The following PRADC1 variants were observed in gnomAD, a reference collection of about 807,000 sequenced individuals.
PRADC1 encodes protease associated domain containing 1, also known as protease-associated domain-containing protein 1.
A neutral mutation model predicts 22.9 loss-of-function variants in PRADC1; 23 were observed. That is an observed-to-expected ratio of 1.00 (90% CI 0.72 to 1.42). The LOEUF (loss-of-function observed/expected upper bound fraction) is 1.42, where lower values mean the gene tolerates loss of function less well. Ranked by LOEUF, PRADC1 falls within the 40% of genes most tolerant of loss-of-function variation. The pLI is 0.00. For synonymous variants in PRADC1, 71 were observed against 100.3 expected, an observed-to-expected ratio of 0.71 and a Z score of 1.75; for missense variants, 207 against 258.3, an observed-to-expected ratio of 0.80 and a Z score of 1.36.
chr2:73,228,469 G>A lies in PRADC1; in HGVS notation c.552C>T (p.Pro184=), dbSNP rs757358483. 6.2e-7 allele frequency: 1 copy of A among 1,614,172 alleles called. No individual in the cohort carries two copies. Residue 184 remains proline, a synonymous_variant, in exon 5 of 5, where the codon CCC becomes CCT. Coordinates refer to ENST00000258083, the MANE Select transcript of PRADC1 (RefSeq NM_032319.3). This position sits in a 1 kb window ranked among gnomAD's most constrained non-coding sequence, Gnocchi z 4.0. ...SIPTFELLQP[P]WTFW ...ACAAACTCTTCTACCAGAAGGTCCAGGGCGGTTGCAGCAGCTCAAAGGTGG... is the reference window on the plus strand; with the variant it reads ...ACAAACTCTTCTACCAGAAGGTCCAAGGCGGTTGCAGCAGCTCAAAGGTGG...
Position 73,230,742 on chromosome 2 carries a change from T to A in PRADC1, c.68-529A>T, listed in dbSNP as rs552709481. On this transcript the variant is annotated intron_variant, in intron 1 of 4. Transcript: ENST00000258083. ...CACATCACCATACCTAGGGTTTCAA[T>A]AACTGCCCTTTGCATTTAAAATTTA... Among the ~76,000 whole-genome samples, 5 of 152,380 alleles carry A rather than the reference T, an allele frequency of 3.3e-5. No homozygotes were observed. In the East Asian group the frequency reaches 9.6e-4, roughly 29 times the overall value.
chr2:73,233,112 CG>C lies in PRADC1; in HGVS notation c.48del (p.Ala17ArgfsTer19). ...AGWCCLVLWL[P>X]ACVAAHGFRI... ...CGCTCACCGTGGGCCGCGACGCACG[CG>C]GGGAGCCAGAGCACGAGACAACACC... On this transcript the variant is annotated frameshift_variant, in exon 1 of 5. Coordinates refer to ENST00000258083, the MANE Select transcript of PRADC1 (RefSeq NM_032319.3). LOFTEE classifies it high-confidence loss of function. The C allele has an allele frequency of 6.5e-7, 1 of 1,544,392 alleles. No individual in the cohort carries two copies.
chr2:73,232,578 A>C (rs1686678496), intron 1 of PRADC1, among the ~76,000 whole-genome samples: 1 of 152,126 alleles, frequency 6.6e-6, no homozygotes, highest in South Asian at 2.1e-4. Flanking sequence ...GACTAGCGTC[A>C]AACTCACTCC....
In PRADC1 at chr2:73,228,014, C is replaced by T. The variant is rs1443210670; in HGVS notation, c.*440G>A. The T allele has an allele frequency of 1.0e-5, 2 of 196,658 alleles. No individual in the cohort carries two copies. The highest frequency in any genetic ancestry group is 1.0e-4 in the Admixed American group (2 of 19,062). 12.2% of individuals were successfully genotyped at this position (196,658 alleles called of 1,614,324 possible). ...CTTATTCTAGGACACAGTTGCAACC[C>T]TGATGAGAAGCTTTATTGCTAAAAA... On this transcript the variant is annotated 3_prime_UTR_variant, in exon 5 of 5. Coordinates refer to ENST00000258083, the MANE Select transcript of PRADC1 (RefSeq NM_032319.3). This position sits in a 1 kb window ranked among gnomAD's most constrained non-coding sequence, Gnocchi z 4.0.
intron 1 of PRADC1, among the ~76,000 whole-genome samples, chr2:73,231,269 G>T (rs879855776): frequency 3.9e-5 from 6 of 152,028 alleles, no homozygotes; most frequent in Non-Finnish European, 7.4e-5. Context: ...ACAGGCGCCC[G>T]CCACCACGCC....
intron 3 of PRADC1, 109 bp from the exon 4 acceptor site, chr2:73,229,071 G>T (rs953981773): frequency 2.1e-6 from 2 of 946,112 alleles, no homozygotes; most frequent in East Asian, 5.1e-5. Flanking sequence ...CTGTTATAAA[G>T]GCTCATAAGT....
At chr2:73,230,772 C>G (rs889319322) in intron 1 of PRADC1, among the ~76,000 whole-genome samples, 1 of 152,240 alleles carries the variant, frequency 6.6e-6, no homozygotes, top group African/African-American at 2.4e-5. Flanking sequence ...AATTTAAACT[C>G]TTTTTAAACT....
At chr2:73,230,235 TAAG>T in intron 1 of PRADC1, 22 bp from the exon 2 acceptor site, 2 of 1,551,140 alleles carry the variant, frequency 1.3e-6, no homozygotes, top group Non-Finnish European at 1.8e-6. Context: ...AGAGTACAGG[TAAG>T]AAGCCTCCCA....
At chr2:73,231,435 G>C (rs1357586675) in intron 1 of PRADC1, among the ~76,000 whole-genome samples, 1 of 146,328 alleles carries the variant, frequency 6.8e-6, no homozygotes, top group East Asian at 2.1e-4. Flanking sequence ...TCTTTTTTTT[G>C]AGACAGGGTC....
rs1240032572 is a variant in PRADC1 at position 73,230,116 on chromosome 2, G to C, written c.165C>G (p.Ile55Met). The C allele has an allele frequency of 6.2e-7, 1 of 1,609,774 alleles. No homozygotes were observed. Among genetic ancestry groups the C allele is most frequent in the Non-Finnish European group, 8.5e-7 (1 of 1,176,454 alleles). ...TATPAKDFGGIFHTRYEQIHL... is the reference protein window; with the variant it reads ...TATPAKDFGGMFHTRYEQIHL... Reference sequence around the variant, plus strand: ...TCAGGGGCCTCCCTTAACTTACAAAGATACCACCAAAGTCCTTGGCAGGTG... The same window carrying C: ...TCAGGGGCCTCCCTTAACTTACAAACATACCACCAAAGTCCTTGGCAGGTG... Residue 55 changes from isoleucine (I) to methionine (M), a missense_variant, in exon 2 of 5, where the codon ATC (isoleucine) becomes ATG (methionine). Ile to Met is a conservative substitution (Grantham distance 10, BLOSUM62 1). Transcript: ENST00000258083.
chr2:73,230,134 G>A lies in PRADC1; in HGVS notation c.147C>T (p.Ala49=), dbSNP rs1173543355. ...DIRYIFTATP[A]KDFGGIFHTR... The stretch of plus-strand genomic sequence containing the variant: ...TTACAAAGATACCACCAAAGTCCTT[G>A]GCAGGTGTGGCTGTGAAGATGTATC... The change falls in exon 2 of 5, where the codon GCC becomes GCT. Residue 49 remains alanine (A), a synonymous_variant. Transcript: ENST00000258083. 1.2e-6 allele frequency: 2 copies of A among 1,613,120 alleles called. No homozygotes were observed. Among genetic ancestry groups the A allele is most frequent in the East Asian group, 2.2e-5 (1 of 44,876 alleles).
intron 1 of PRADC1, among the ~76,000 whole-genome samples, 197 bp downstream of exon 1, chr2:73,232,897 G>A (rs975383669): frequency 2.0e-5 from 3 of 152,198 alleles, no homozygotes; most frequent in Non-Finnish European, 4.4e-5. Context: ...AAGGTGAGGA[G>A]TCAGAGCTTC....
chr2:73,228,481 C>T lies in PRADC1; in HGVS notation c.540G>A (p.Leu180=), dbSNP rs1302761738. 2.2e-5 allele frequency: 36 copies of T among 1,614,062 alleles called. No homozygotes were observed. The Admixed American group carries it at 5.8e-4, about 26-fold the overall frequency. The change falls in exon 5 of 5, where the codon CTG becomes CTA. Residue 180 remains leucine (L), a synonymous_variant. Transcript: ENST00000258083. This position sits in a 1 kb window ranked among gnomAD's most constrained non-coding sequence, Gnocchi z 4.0. The stretch of plus-strand genomic sequence containing the variant: ...ACCAGAAGGTCCAGGGCGGTTGCAG[C>T]AGCTCAAAGGTGGGGATGCTGGTGA... The part of the protein sequence containing the change: ...VNVTSIPTFE[L]LQPPWTFW
At chr2:73,229,333 G>A (rs1686583174) in intron 3 of PRADC1, 128 bp downstream of exon 3, 1 of 753,642 alleles carries the variant, frequency 1.3e-6, no homozygotes, top group Non-Finnish European at 2.3e-6. Flanking sequence ...GCCCAGGCTA[G>A]ACATTTCTTA....
intron 1 of PRADC1, among the ~76,000 whole-genome samples, chr2:73,231,308 A>G (rs1459590300): frequency 2.0e-5 from 3 of 151,780 alleles, no homozygotes; most frequent in Non-Finnish European, 4.4e-5. Context: ...TTTAGTAGAG[A>G]CGGGGTTTCA....
At position 73,228,709 on chromosome 2, in the gene PRADC1, C is replaced by A; in HGVS notation, c.446+86G>T. On this transcript the variant is annotated intron_variant, in intron 4 of 4. Transcript: ENST00000258083. The surrounding 1 kb of genome is among the most constrained non-coding windows in gnomAD (Gnocchi z 4.0). ...CTAACTGAAGCACCCCAAGTTGAGG[C>A]CTGCAAGAAGGGACTGGTGATTACC... 6.3e-7 allele frequency: 1 copy of A among 1,581,518 alleles called. No individual in the cohort carries two copies. Among genetic ancestry groups the A allele is most frequent in the Non-Finnish European group, 8.6e-7 (1 of 1,159,702 alleles).
At chr2:73,231,585 TTTTTTTTGTA>T (rs1686639038) in intron 1 of PRADC1, among the ~76,000 whole-genome samples, 1 of 151,720 alleles carries the variant, frequency 6.6e-6, no homozygotes, top group Non-Finnish European at 1.5e-5. Flanking sequence ...CCTGGCTAAT[TTTTTTTTGTA>T]TTTTTTAGTA....
At chr2:73,232,692 G>C (rs1158508741) in intron 1 of PRADC1, among the ~76,000 whole-genome samples, 1 of 152,236 alleles carries the variant, frequency 6.6e-6, no homozygotes, top group Non-Finnish European at 1.5e-5. Flanking sequence ...TTATGTGCTT[G>C]TGTAGGTGTA....
In PRADC1 at chr2:73,230,033, TGGGATGAGAG is replaced by T. The variant is rs1686605407; in HGVS notation, c.168+70_168+79del. The T allele has an allele frequency of 3.1e-6, 3 of 964,512 alleles. No individual in the cohort carries two copies. The Admixed American group carries it at 5.4e-5, about 17-fold the overall frequency. The allele number at this position is 964,512 out of a possible 1,614,324, so 59.7% of individuals were successfully genotyped here. ...TCCCTTCCCTGTCCCAGCACTCAGG[TGGGATGAGAG>T]GGTCACTGCAGCTCAGTGAGGGGAA... On this transcript the variant is annotated intron_variant, in intron 2 of 4. Coordinates refer to ENST00000258083, the MANE Select transcript of PRADC1 (RefSeq NM_032319.3).
Sources: gnomAD v4.1 joint callset for allele counts (sites outside exome capture counted in the v4.1 genomes callset) on GRCh38, gnomAD v4.1.1 for gene constraint, Gnocchi (gnomAD v3.1) non-coding constraint, MANE v1.5 for transcripts, NCBI Gene and HGNC (gene_info 2026-07-23, HGNC 2026-07-21) for gene names.